The following CAPN9 variants were observed in gnomAD, a reference collection of about 807,000 sequenced individuals.
CAPN9 encodes calpain-9.
Under a neutral mutation model 92.8 loss-of-function variants are expected in CAPN9, and 81 were observed. The observed-to-expected ratio is 0.87, with a 90% CI of 0.73 to 1.05. The LOEUF (loss-of-function observed/expected upper bound fraction) is 1.05, where lower values mean the gene tolerates loss of function less well. CAPN9 is among the 50% of genes least tolerant of loss of function. The probability of loss-of-function intolerance (pLI) is 0.00; values close to 1 mark genes in which losing one functional copy is unlikely to be tolerated. For synonymous variants in CAPN9, 304 were observed against 328.0 expected (o/e 0.93, Z 0.79); for missense variants, 848 against 866.2 (o/e 0.98, Z 0.26).
In CAPN9 at chr1:230,790,277, C is replaced by T. The variant is rs537529583; in HGVS notation, c.1657+88C>T. 31 of 1,532,404 alleles carry T rather than the reference C, an allele frequency of 2.0e-5. No individual in the cohort carries two copies. In the African/African-American group the frequency reaches 2.9e-4, roughly 14 times the overall value. 94.9% of individuals were successfully genotyped at this position (1,532,404 alleles called of 1,614,324 possible). A position where few individuals can be genotyped will look rare whatever the true frequency, so the allele number is the denominator to read the frequency against. On this transcript the variant is annotated intron_variant, in intron 14 of 19. Coordinates refer to ENST00000271971, the MANE Select transcript of CAPN9 (RefSeq NM_006615.3). ...GGGTCCCCTCCCTGCTCCTCCGAGC[C>T]GCAGATCTGCTTCCCAGGGCTGATT...
intron 6 of CAPN9, among the ~76,000 whole-genome samples, chr1:230,771,033 A>G (rs930532862): frequency 1.3e-5 from 2 of 152,156 alleles, no homozygotes; most frequent in African/African-American, 2.4e-5. Context: ...TCAAGCAGGC[A>G]TGTGATGTTT....
At chr1:230,771,691 G>C (rs952804379) in intron 6 of CAPN9, among the ~76,000 whole-genome samples, 17 of 152,328 alleles carry the variant, frequency 1.1e-4, no homozygotes, top group Admixed American at 9.1e-4. Flanking sequence ...TCCAAGTCTA[G>C]AGAGAAACCC....
At chr1:230,750,259 T>C (rs1342060425) in intron 1 of CAPN9, among the ~76,000 whole-genome samples, 1 of 152,186 alleles carries the variant, frequency 6.6e-6, no homozygotes, top group Non-Finnish European at 1.5e-5. Context: ...CCCTTCTTCA[T>C]CCCACTGTCT....
chr1:230,764,381 T>C (rs1295417365), intron 4 of CAPN9, among the ~76,000 whole-genome samples: 1 of 152,188 alleles, frequency 6.6e-6, no homozygotes, highest in Non-Finnish European at 1.5e-5. Context: ...TCTCAAACCT[T>C]TGGACTCAAA....
At chr1:230,764,270 G>C (rs538509772) in intron 4 of CAPN9, among the ~76,000 whole-genome samples, 15 of 152,270 alleles carry the variant, frequency 9.9e-5, no homozygotes, top group African/African-American at 3.6e-4. Flanking sequence ...GTTTGCTAAA[G>C]ATCCAAATAA....
rs1415449055 is a variant in CAPN9, at chr1:230,755,400, G to A, written c.277G>A (p.Glu93Lys). The A allele has an allele frequency of 6.2e-7, 1 of 1,605,786 alleles. No individual in the cohort carries two copies. Among genetic ancestry groups the A allele is most frequent in the East Asian group, 2.3e-5 (1 of 44,276 alleles). Residue 93 changes from glutamate (E) to lysine (K), a missense_variant, in exon 2 of 20, where the codon GAG becomes AAG. By Grantham distance (56) the Glu-to-Lys change is moderately conservative. Coordinates refer to ENST00000271971, the MANE Select transcript of CAPN9 (RefSeq NM_006615.3). Reference sequence around the variant, plus strand: ...CACCAGGACTGATATCTGCCAGGGAGAGCTGGGTGAGTGTAAGTGGATGGA... The same window carrying A: ...CACCAGGACTGATATCTGCCAGGGAAAGCTGGGTGAGTGTAAGTGGATGGA... ...GATRTDICQG[E>K]LGDCWLLAAI...
chr1:230,763,585 C>A (rs750649910), intron 4 of CAPN9, among the ~76,000 whole-genome samples: 1 of 152,148 alleles, frequency 6.6e-6, no homozygotes, highest in Non-Finnish European at 1.5e-5. Context: ...CCACAACAGC[C>A]TGAATTTGAT....
intron 7 of CAPN9, among the ~76,000 whole-genome samples, chr1:230,773,881 G>A (rs28359664): frequency 0.083 from 12,596 of 152,176 alleles, 700 homozygotes; most frequent in African/African-American, 0.15. Context: ...ACTATTTGGA[G>A]GCGGCTGTGG....
At chr1:230,798,701 G>T (rs1485384340) in intron 19 of CAPN9, among the ~76,000 whole-genome samples, 2 of 152,316 alleles carry the variant, frequency 1.3e-5, no homozygotes, top group East Asian at 3.9e-4. Context: ...CCATGGGTCT[G>T]AGTGTCAGAG....
At position 230,790,023 on chromosome 1, in the gene CAPN9, G is replaced by C. The variant is rs1572084329; in HGVS notation, c.1600-109G>C. The C allele has an allele frequency of 9.7e-6, 8 of 827,760 alleles. No homozygotes were observed. In the East Asian group the frequency reaches 2.1e-4, roughly 22 times the overall value. The allele number at this position is 827,760 out of a possible 1,614,324, so 51.3% of individuals were successfully genotyped here. On this transcript the variant is annotated intron_variant, in intron 13 of 19. Transcript: ENST00000271971. ...ATCTGCCCACAGCAGGGTCCTGAAG[G>C]CTGGTCTGTCACTGGAGCCAAATGA... is the stretch of plus-strand genomic sequence containing the variant.
At chr1:230,749,494 C>A (rs1316712103) in intron 1 of CAPN9, among the ~76,000 whole-genome samples, 1 of 152,132 alleles carries the variant, frequency 6.6e-6, no homozygotes, top group East Asian at 1.9e-4. Context: ...GCTGTGGGTG[C>A]ATTTTTAACT....
chr1:230,800,543 C>T (rs943257212), intron 19 of CAPN9, among the ~76,000 whole-genome samples: 1 of 152,112 alleles, frequency 6.6e-6, no homozygotes, highest in Non-Finnish European at 1.5e-5. Context: ...GTGTGGACAC[C>T]TCTAACGCAA....
intron 1 of CAPN9, among the ~76,000 whole-genome samples, chr1:230,748,854 C>T (rs1398340581): frequency 1.3e-5 from 2 of 152,134 alleles, no homozygotes; most frequent in African/African-American, 2.4e-5. Context: ...CTTCTGGGCT[C>T]TTCAGGGGCA....
At chr1:230,794,872 G>C (rs1046187014) in intron 17 of CAPN9, among the ~76,000 whole-genome samples, 20 of 152,202 alleles carry the variant, frequency 1.3e-4, no homozygotes, top group African/African-American at 4.6e-4. Flanking sequence ...GGTGATGTTA[G>C]CATCAAAATT....
intron 1 of CAPN9, among the ~76,000 whole-genome samples, chr1:230,752,986 T>C (rs1174004437): frequency 6.6e-6 from 1 of 152,174 alleles, no homozygotes; most frequent in Non-Finnish European, 1.5e-5. Flanking sequence ...GTTTGCATTG[T>C]CCTTCTGGGC....
chr1:230,787,912 G>C (rs546038261), intron 13 of CAPN9, among the ~76,000 whole-genome samples: 2 of 152,316 alleles, frequency 1.3e-5, no homozygotes, highest in East Asian at 3.9e-4. Flanking sequence ...CTGGAGTGCA[G>C]TGGTATAAGC....
chr1:230,768,139 C>T lies in CAPN9; in HGVS notation c.705+430C>T, dbSNP rs12403676. Among the ~76,000 whole-genome samples the T allele has an allele frequency of 3.9e-3, 597 of 151,946 alleles. 16 individuals are homozygous for T. The highest frequency in any genetic ancestry group is 0.034 in the Admixed American group (522 of 15,250). ...GGTGGTGTGTGTCTGGAGTCTGAGG[C>T]AGGAGGATCCCTTGAGCCCAGGAGT... On this transcript the variant is annotated intron_variant, in intron 5 of 19. Transcript: ENST00000271971.
Position 230,801,925 on chromosome 1 carries a change from T to C in CAPN9, c.*329T>C, listed in dbSNP as rs1213159742. 1.4e-5 allele frequency: 5 copies of C among 363,682 alleles called. No individual in the cohort carries two copies. The highest frequency in any genetic ancestry group is 3.9e-5 in the Admixed American group (1 of 25,398). 22.5% of individuals were successfully genotyped at this position (363,682 alleles called of 1,614,324 possible). ...TTACTCAGAGTTCTAACGCACAGAA[T>C]CCTGACTTCCATGTAGCTCCAGTCA... On this transcript the variant is annotated 3_prime_UTR_variant, in exon 20 of 20. Transcript: ENST00000271971.
chr1:230,756,977 G>A (rs1665262034), intron 2 of CAPN9, among the ~76,000 whole-genome samples: 1 of 122,886 alleles, frequency 8.1e-6, no homozygotes, highest in Non-Finnish European at 1.8e-5. Context: ...AGGAAAGAAG[G>A]AAGGGAGAGA....
Sources: gnomAD v4.1 joint callset for allele counts (sites outside exome capture counted in the v4.1 genomes callset) on GRCh38, gnomAD v4.1.1 for gene constraint, MANE v1.5 for transcripts, NCBI Gene and HGNC (gene_info 2026-07-23, HGNC 2026-07-21) for gene names.